The following TTC1 variants were observed in gnomAD, a reference collection of about 807,000 sequenced individuals.
The protein encoded by TTC1 is tetratricopeptide repeat domain 1.
A neutral mutation model predicts 37.6 loss-of-function variants in TTC1; 31 were observed. That is an observed-to-expected ratio of 0.82 (90% CI 0.62 to 1.11). TTC1 has a LOEUF of 1.11. Ranked by LOEUF, TTC1 falls within the 50% of genes most tolerant of loss-of-function variation. The pLI, the probability that TTC1 is intolerant of heterozygous loss-of-function variation, is 0.00. For synonymous variants in TTC1, 127 were observed against 122.4 expected (o/e 1.04, Z -0.25); for missense variants, 351 against 339.0 (o/e 1.04, Z -0.28).
intron 1 of TTC1, among the ~76,000 whole-genome samples, 176 bp from the exon 2 acceptor site, chr5:160,010,324 T>C (rs989180930): frequency 9.4e-5 from 14 of 149,104 alleles, no homozygotes; most frequent in Admixed American, 4.7e-4. Flanking sequence ...TCAGTTAAAA[T>C]GACGATTTGA....
Position 160,010,748 on chromosome 5 carries a change from C to T in TTC1, c.220C>T (p.Pro74Ser). The T allele has an allele frequency of 6.2e-7, 1 of 1,613,916 alleles. No individual in the cohort carries two copies. ...CTGCAGTGCCTCATTTGAGGAGGAG[C>T]CAGGAGCGGACAAGGTTGAGAACAA... ...HDCSASFEEE[P>S]GADKVENKSN... Residue 74 changes from proline to serine, a missense_variant, in exon 2 of 8, where the codon CCA becomes TCA. By Grantham distance (74) the Pro-to-Ser change is moderately conservative. Coordinates refer to ENST00000231238, the MANE Select transcript of TTC1 (RefSeq NM_003314.3).
chr5:160,021,369 G>A (rs1283699399), intron 2 of TTC1, among the ~76,000 whole-genome samples: 1 of 152,172 alleles, frequency 6.6e-6, no homozygotes, highest in Non-Finnish European at 1.5e-5. Flanking sequence ...AACTGAATAG[G>A]AGGTTTTCTT....
intron 2 of TTC1, among the ~76,000 whole-genome samples, chr5:160,020,409 C>T (rs1009730599): frequency 6.6e-6 from 1 of 152,212 alleles, no homozygotes; most frequent in Non-Finnish European, 1.5e-5. Flanking sequence ...ACCACCCTGC[C>T]TGGCCTGATG....
At chr5:160,042,814 AG>A (rs1757123580) in intron 4 of TTC1, among the ~76,000 whole-genome samples, 1 of 152,194 alleles carries the variant, frequency 6.6e-6, no homozygotes, top group Admixed American at 6.5e-5. Context: ...GCCCTGTTTT[AG>A]GTCACAAAGT....
intron 2 of TTC1, among the ~76,000 whole-genome samples, chr5:160,032,226 T>C (rs1756924492): frequency 1.3e-5 from 2 of 152,208 alleles, no homozygotes; most frequent in South Asian, 2.1e-4. Context: ...AGAATATTCC[T>C]AATGAGTTGG....
chr5:160,028,773 C>T (rs1014880041), intron 2 of TTC1, among the ~76,000 whole-genome samples: 3 of 152,138 alleles, frequency 2.0e-5, no homozygotes, highest in African/African-American at 4.8e-5. Flanking sequence ...TGCCCCTGGC[C>T]TGCCCAGTTT....
chr5:160,038,640 G>T (rs1291239637), intron 4 of TTC1, among the ~76,000 whole-genome samples: 1 of 144,842 alleles, frequency 6.9e-6, no homozygotes, highest in Non-Finnish European at 1.5e-5. Context: ...GAAGTTTTCT[G>T]TTCTTTTAAG....
chr5:160,051,082 GTTTT>G (rs5872626), intron 6 of TTC1, 43 bp from the exon 7 acceptor site: 215 of 1,235,650 alleles, frequency 1.7e-4, no homozygotes, highest in South Asian at 3.6e-4. Flanking sequence ...AAAGGTTTTG[GTTTT>G]TTTTTTTTTT....
chr5:160,049,527 C>A lies in TTC1; in HGVS notation c.555C>A (p.Asn185Lys). ...INDCSKAIQL[N>K]PSYIRAILRR... ...CTCTTTTTACAGCAATTCAATTAAACCCCAGCTATATCAGGGCAATATTGA... is the reference window on the plus strand; with the variant it reads ...CTCTTTTTACAGCAATTCAATTAAAACCCAGCTATATCAGGGCAATATTGA... Residue 185 changes from asparagine to lysine, a missense_variant, in exon 6 of 8, where the codon AAC (asparagine) becomes AAA (lysine). Coordinates refer to ENST00000231238, the MANE Select transcript of TTC1 (RefSeq NM_003314.3). 13 of 1,570,198 alleles carry A rather than the reference C, an allele frequency of 8.3e-6. No homozygotes were observed. Among genetic ancestry groups the A allele is most frequent in the Non-Finnish European group, 1.1e-5 (13 of 1,165,694 alleles).
At chr5:160,053,384 G>T (rs575398077) in intron 7 of TTC1, among the ~76,000 whole-genome samples, 1 of 152,144 alleles carries the variant, frequency 6.6e-6, no homozygotes, top group African/African-American at 2.4e-5. Context: ...ACCAGCCTGG[G>T]CAACATGGCA....
chr5:160,041,102 G>C (rs1757082989), intron 4 of TTC1, among the ~76,000 whole-genome samples: 1 of 151,974 alleles, frequency 6.6e-6, no homozygotes, highest in Non-Finnish European at 1.5e-5. Context: ...ACACATACAT[G>C]AAACTGTCAT....
intron 2 of TTC1, among the ~76,000 whole-genome samples, chr5:160,033,471 A>G (rs1249976869): frequency 3.9e-5 from 6 of 152,350 alleles, no homozygotes; most frequent in Admixed American, 2.0e-4. Flanking sequence ...GCATATTGAC[A>G]AATCTTTTCC....
chr5:160,029,809 A>G (rs1756877559), intron 2 of TTC1, among the ~76,000 whole-genome samples: 1 of 152,242 alleles, frequency 6.6e-6, no homozygotes, highest in Non-Finnish European at 1.5e-5. Flanking sequence ...AAACCCAGGT[A>G]AAATGCCCAT....
chr5:160,009,888 A>G (rs1756465122), intron 1 of TTC1, among the ~76,000 whole-genome samples: 1 of 152,188 alleles, frequency 6.6e-6, no homozygotes, highest in Non-Finnish European at 1.5e-5. Flanking sequence ...GAAGTCTACT[A>G]GAAACGTATT....
chr5:160,014,339 CA>C (rs1756561809), intron 2 of TTC1, among the ~76,000 whole-genome samples: 1 of 151,634 alleles, frequency 6.6e-6, no homozygotes, highest in Non-Finnish European at 1.5e-5. Context: ...GCCTGGGAGA[CA>C]AGAGCAAAAC....
chr5:160,054,354 C>T (rs1757484933), intron 7 of TTC1, among the ~76,000 whole-genome samples: 1 of 152,210 alleles, frequency 6.6e-6, no homozygotes, highest in Non-Finnish European at 1.5e-5. Context: ...TAGCTCATGC[C>T]TGTAATCCTA....
chr5:160,053,203 T>C (rs1022412530), intron 7 of TTC1, among the ~76,000 whole-genome samples: 2 of 152,236 alleles, frequency 1.3e-5, no homozygotes, highest in Non-Finnish European at 2.9e-5. Context: ...TTAGAAGTTC[T>C]GAGCAAGCTT....
intron 5 of TTC1, among the ~76,000 whole-genome samples, chr5:160,044,604 T>C (rs571685298): frequency 6.6e-5 from 10 of 152,354 alleles, no homozygotes; most frequent in African/African-American, 2.4e-4. Flanking sequence ...TGTTAATGCA[T>C]TATAATTTGC....
chr5:160,047,363 G>A (rs146519279), intron 5 of TTC1, among the ~76,000 whole-genome samples: 55 of 152,178 alleles, frequency 3.6e-4, no homozygotes, highest in African/African-American at 1.0e-3. Context: ...TTGTTCTTTC[G>A]TGTCACATGG....
Sources: gnomAD v4.1 joint callset for allele counts (sites outside exome capture counted in the v4.1 genomes callset) on GRCh38, gnomAD v4.1.1 for gene constraint, MANE v1.5 for transcripts, NCBI Gene and HGNC (gene_info 2026-07-23, HGNC 2026-07-21) for gene names.